RNF220: variants seen among roughly 807,000 people sequenced by gnomAD.
RNF220 encodes the protein ring finger protein 220, also known as E3 ubiquitin-protein ligase RNF220.
A neutral mutation model predicts 67.1 loss-of-function variants in RNF220; 7 were observed. The ratio of observed to expected loss-of-function variants is 0.10; its 90% confidence interval spans 0.06 to 0.20. The LOEUF (loss-of-function observed/expected upper bound fraction) is 0.20, where lower values mean the gene tolerates loss of function less well. Ranked by LOEUF, RNF220 falls within the 10% of genes least tolerant of loss-of-function variation. The pLI is 1.00. For missense variants in RNF220, 565 were observed against 740.3 expected, an observed-to-expected ratio of 0.76 and a Z score of 2.75; for synonymous variants, 270 against 283.2, an observed-to-expected ratio of 0.95 and a Z score of 0.47.
chr1:44,535,672 C>T (rs1201874775), intron 2 of RNF220, among the ~76,000 whole-genome samples: 1 of 152,210 alleles, frequency 6.6e-6, no homozygotes, highest in Admixed American at 6.5e-5. Flanking sequence ...CTTCGATACA[C>T]CAGCACAGCA....
At chr1:44,550,330 G>A (rs1455272464) in intron 2 of RNF220, among the ~76,000 whole-genome samples, 1 of 152,200 alleles carries the variant, frequency 6.6e-6, no homozygotes, top group Non-Finnish European at 1.5e-5. Flanking sequence ...GATGCTTGGG[G>A]TTATGGAGAC....
At chr1:44,502,412 G>A (rs1441723363) in intron 2 of RNF220, among the ~76,000 whole-genome samples, 1 of 152,172 alleles carries the variant, frequency 6.6e-6, no homozygotes, top group Non-Finnish European at 1.5e-5. Context: ...AAAGATCAGA[G>A]GAAGAGGGAA....
chr1:44,647,917 G>A (rs899555380), intron 12 of RNF220, among the ~76,000 whole-genome samples: 5 of 152,198 alleles, frequency 3.3e-5, no homozygotes, highest in Admixed American at 2.0e-4. Context: ...TGAGCTGTTC[G>A]TACCCCCACT....
intron 2 of RNF220, among the ~76,000 whole-genome samples, chr1:44,458,074 T>C (rs1350819640): frequency 6.7e-6 from 1 of 149,056 alleles, no homozygotes; most frequent in African/African-American, 2.5e-5. Flanking sequence ...TTGGGCAACA[T>C]AGCAAGACCC....
intron 2 of RNF220, among the ~76,000 whole-genome samples, chr1:44,473,044 G>A (rs1019829297): frequency 6.6e-6 from 1 of 152,152 alleles, no homozygotes; most frequent in Non-Finnish European, 1.5e-5. Flanking sequence ...TGTGAGGTGT[G>A]TGTTTCCCCA....
chr1:44,512,589 A>G (rs2148128567), intron 2 of RNF220, among the ~76,000 whole-genome samples: 2 of 152,300 alleles, frequency 1.3e-5, no homozygotes, highest in Admixed American at 1.3e-4. Flanking sequence ...ACACTTTTAC[A>G]AGGTTAAAGC....
chr1:44,424,106 G>C, intron 2 of RNF220: 8 of 740,874 alleles, frequency 1.1e-5, no homozygotes, highest in African/African-American at 1.9e-5. Flanking sequence ...AGTAGGAGAT[G>C]ATACTTCCTC....
intron 2 of RNF220, among the ~76,000 whole-genome samples, chr1:44,454,012 A>G (rs930239873): frequency 1.3e-5 from 2 of 152,220 alleles, no homozygotes; most frequent in Non-Finnish European, 2.9e-5. Context: ...GGAAAACTCC[A>G]CTTTACACTT....
At chr1:44,564,751 C>CAAAAAAA (rs34127522) in intron 2 of RNF220, among the ~76,000 whole-genome samples, 1 of 93,724 alleles carries the variant, frequency 1.1e-5, no homozygotes, top group Non-Finnish European at 2.2e-5. Flanking sequence ...GACTCCATCT[C>CAAAAAAA]AAAAAAAAAA....
chr1:44,593,105 C>T (rs537168354), intron 2 of RNF220, among the ~76,000 whole-genome samples: 2 of 152,306 alleles, frequency 1.3e-5, no homozygotes, highest in Non-Finnish European at 2.9e-5. Context: ...CAGACCATAC[C>T]CAATCTTCTC....
rs1346022837 is a variant in RNF220, at chr1:44,596,440, T to C, written c.626-17725T>C. 5.9e-5 allele frequency among the ~76,000 whole-genome samples: 9 copies of C among 151,796 alleles called. No individual in the cohort carries two copies. The East Asian group carries it at 1.7e-3, about 29-fold the overall frequency. On this transcript the variant is annotated intron_variant, in intron 2 of 14. Transcript: ENST00000361799. ...AGCTGGGTGTGGTGGCAGGTACCTG[T>C]AATCCCAGCTACTCGGGAGGCTGAG...
intron 2 of RNF220, among the ~76,000 whole-genome samples, chr1:44,564,803 A>G (rs1663862415): frequency 6.6e-6 from 1 of 151,518 alleles, no homozygotes; most frequent in Non-Finnish European, 1.5e-5. Flanking sequence ...CTCTGTTCTC[A>G]TCCTCACTAA....
chr1:44,570,796 G>T (rs192171375), intron 2 of RNF220, among the ~76,000 whole-genome samples: 1 of 152,250 alleles, frequency 6.6e-6, no homozygotes, highest in East Asian at 1.9e-4. Flanking sequence ...AAATCAGGCC[G>T]AGTGTGGTGT....
chr1:44,421,222 C>T (rs762448966), intron 2 of RNF220, among the ~76,000 whole-genome samples: 2 of 151,950 alleles, frequency 1.3e-5, no homozygotes, highest in African/African-American at 2.4e-5. Flanking sequence ...GGCAGTGGCC[C>T]GGGTTAAAAA....
Position 44,467,587 on chromosome 1 carries a change from G to A in RNF220, c.625+54865G>A, listed in dbSNP as rs138853589. Among the ~76,000 whole-genome samples, 619 of 152,338 alleles carry A rather than the reference G, an allele frequency of 4.1e-3. 11 individuals carry two copies. The South Asian group carries it at 0.042, about 10-fold the overall frequency. ...CTGAAGAGAGTTAAGGCCTTGGTCTGGATTAGGCTTTGGCTTCAGGGAATG... is the reference window on the plus strand; with the variant it reads ...CTGAAGAGAGTTAAGGCCTTGGTCTAGATTAGGCTTTGGCTTCAGGGAATG... On this transcript the variant is annotated intron_variant, in intron 2 of 14. Coordinates refer to ENST00000361799, the MANE Select transcript of RNF220 (RefSeq NM_018150.4).
At chr1:44,495,015 C>A (rs763633464) in intron 2 of RNF220, among the ~76,000 whole-genome samples, 1 of 152,124 alleles carries the variant, frequency 6.6e-6, no homozygotes, top group Admixed American at 6.5e-5. Context: ...GAGTTCAAGA[C>A]CACCCTGGGC....
At chr1:44,488,663 C>T (rs1656562911) in intron 2 of RNF220, among the ~76,000 whole-genome samples, 1 of 151,638 alleles carries the variant, frequency 6.6e-6, no homozygotes, top group African/African-American at 2.4e-5. Flanking sequence ...TGACTCAGTA[C>T]ACATGAACAA....
intron 2 of RNF220, among the ~76,000 whole-genome samples, chr1:44,460,764 G>A (rs538961272): frequency 6.6e-6 from 1 of 152,348 alleles, no homozygotes; most frequent in African/African-American, 2.4e-5. Context: ...AGCCTCACAT[G>A]CTAGCAATTC....
At position 44,405,394 on chromosome 1, in the gene RNF220, T is replaced by TGCCGCTGCTGCC. The variant is rs1553208960; in HGVS notation, c.-246_-245insTGCCGCCGCTGC. On this transcript the variant is annotated 5_prime_UTR_variant, in exon 1 of 15. Transcript: ENST00000361799. Reference sequence around the variant, plus strand: ...AGCCGCCTACTGCTGCTGCTGCTGCTGCCGCTGCCGCCGCCGCCGCCGCCG... The same window carrying TGCCGCTGCTGCC: ...AGCCGCCTACTGCTGCTGCTGCTGCTGCCGCTGCTGCCGCCGCTGCCGCCGCCGCCGCCGCCG... The TGCCGCTGCTGCC allele has an allele frequency of 2.7e-5, 17 of 628,698 alleles. No individual in the cohort carries two copies. The highest frequency in any genetic ancestry group is 4.0e-5 in the Non-Finnish European group (14 of 348,660). The allele number at this position is 628,698 out of a possible 1,614,324, so 38.9% of individuals were successfully genotyped here.
Sources: allele counts gnomAD v4.1 joint callset (sites outside exome capture counted in the v4.1 genomes callset), GRCh38; gene constraint gnomAD v4.1.1; transcripts MANE v1.5; gene names NCBI Gene and HGNC (gene_info 2026-07-23, HGNC 2026-07-21).